GPR179: variants seen among roughly 807,000 people sequenced by gnomAD.
GPR179 encodes probable G protein-coupled receptor 179.
In GPR179, 52 loss-of-function variants were observed where a neutral mutation model predicts 70.8. The ratio of observed to expected loss-of-function variants is 0.73; its 90% CI spans 0.59 to 0.93. GPR179 has a LOEUF of 0.93. Among genes scored for constraint, GPR179 ranks in the 40% least tolerant of loss-of-function variants. The probability of loss-of-function intolerance (pLI) is 0.00; values close to 1 mark genes in which losing one functional copy is unlikely to be tolerated. For missense variants in GPR179, 2,734 were observed against 2,966.8 expected, an observed-to-expected ratio of 0.92 and a Z score of 1.82; for synonymous variants, 1,123 against 1,169.0, an observed-to-expected ratio of 0.96 and a Z score of 0.80.
At position 38,327,544 on chromosome 17, in the gene GPR179, T is replaced by A. The variant is rs779638060; in HGVS notation, c.6025A>T (p.Lys2009Ter). 5.6e-6 allele frequency: 9 copies of A among 1,614,076 alleles called. No individual in the cohort carries two copies. The highest frequency in any genetic ancestry group is 7.6e-6 in the Non-Finnish European group (9 of 1,180,008). The change falls in exon 11 of 11, where the codon AAA (lysine) becomes TAA (stop). Residue 2009 changes from lysine (K) to a stop codon, truncating the protein, a stop_gained. Transcript: ENST00000616987. LOFTEE classifies it low-confidence loss of function (END_TRUNC). Reference protein sequence around the residue: ...PWDVPDAGVYKSDSSAKAETC... With the variant: ...PWDVPDAGVY Reference sequence around the variant, plus strand: ...TCAGCCTTGGCACTGCTGTCAGATTTATACACACCTGCATCAGGAACATCC... The same window carrying A: ...TCAGCCTTGGCACTGCTGTCAGATTAATACACACCTGCATCAGGAACATCC...
At chr17:38,333,190 C>A in intron 10 of GPR179, 61 bp downstream of exon 10, 3 of 1,519,376 alleles carry the variant, frequency 2.0e-6, no homozygotes, top group South Asian at 2.4e-5. Flanking sequence ...AGGGCCCAGT[C>A]CTCCCTCTGC....
rs200725213 is a variant in GPR179 at position 38,343,554 on chromosome 17, C to A, written c.236G>T (p.Arg79Leu). Residue 79 changes from arginine (R) to leucine (L), a missense_variant, in exon 1 of 11, where the codon CGC becomes CTC. Coordinates refer to ENST00000616987, the MANE Select transcript of GPR179 (RefSeq NM_001004334.4). The surrounding 1 kb of genome is among the most constrained non-coding windows in gnomAD (Gnocchi z 4.2). ...GGCTCCTGCCCCACGCGCTTCATAG[C>A]GCTCACTGCAATTCACCTGTGATAG... ...QQLSQVNCSE[R>L]YEARGAGAMP... The A allele has an allele frequency of 9.9e-6, 16 of 1,613,676 alleles. No homozygotes were observed. The highest frequency in any genetic ancestry group is 1.4e-5 in the Non-Finnish European group (16 of 1,180,026).
At position 38,338,545 on chromosome 17, in the gene GPR179, A is replaced by G. The variant is rs527565318; in HGVS notation, c.904-825T>C. On this transcript the variant is annotated intron_variant, in intron 2 of 10. Transcript: ENST00000616987. ...ACTACACAGTCTGCACAATTAGACA[A>G]ACATGCACCCAGAGAAGTGAATGTG... Among the ~76,000 whole-genome samples, 7 of 152,342 alleles carry G rather than the reference A, an allele frequency of 4.6e-5. 1 individual carries two copies. The South Asian group carries it at 1.4e-3, about 32-fold the overall frequency.
Position 38,326,571 on chromosome 17 carries a change from G to C in GPR179, c.6998C>G (p.Ala2333Gly), listed in dbSNP as rs768798444. The change falls in exon 11 of 11, where the codon GCT (alanine) becomes GGT (glycine). Residue 2333 changes from alanine to glycine, a missense_variant. Coordinates refer to ENST00000616987, the MANE Select transcript of GPR179 (RefSeq NM_001004334.4). The stretch of plus-strand genomic sequence containing the variant: ...AGTTAAGGACGAAGACTGAGACTCA[G>C]CTTCCTGGAGACTTGGCTCTGGGGC... ...SLAPEPSLQEAESQSSSLTED... is the reference protein window; with the variant it reads ...SLAPEPSLQEGESQSSSLTED... The C allele has an allele frequency of 5.4e-5, 87 of 1,614,220 alleles. No homozygotes were observed. The highest frequency in any genetic ancestry group is 3.3e-4 in the Middle Eastern group (2 of 6,060).
Position 38,328,040 on chromosome 17 carries a change from CCTCTG to C in GPR179, c.5524_5528del (p.Gln1842GlyfsTer57). 1.2e-6 allele frequency: 2 copies of C among 1,614,142 alleles called. No homozygotes were observed. The highest frequency in any genetic ancestry group is 1.7e-6 in the Non-Finnish European group (2 of 1,180,038). On this transcript the variant is annotated frameshift_variant, in exon 11 of 11. Transcript: ENST00000616987. LOFTEE classifies it low-confidence loss of function (END_TRUNC). ...GTCTCCCCTTTTCTAGAGCTTTCTC[CCTCTG>C]CTCTGCTGATTCACTCCCTGCCTTT... is the stretch of plus-strand genomic sequence containing the variant.
chr17:38,331,616 C>G (rs2037361361), intron 10 of GPR179, 85 bp from the exon 11 acceptor site: 1 of 1,510,932 alleles, frequency 6.6e-7, no homozygotes, highest in Admixed American at 2.3e-5. Flanking sequence ...TTGCCTAGAC[C>G]TTTTTCCCTT....
Position 38,334,917 on chromosome 17 carries a change from T to TC in GPR179, c.1646-76_1646-75insG. 6.2e-7 allele frequency: 1 copy of TC among 1,600,146 alleles called. No individual in the cohort carries two copies. Among genetic ancestry groups the TC allele is most frequent in the Non-Finnish European group, 8.5e-7 (1 of 1,170,918 alleles). The stretch of plus-strand genomic sequence containing the variant: ...CCACCCCTTTCTCTGAAAGATGTGC[T>TC]GGGGGGAGCCTGGGCTCGGGGTCTG... On this transcript the variant is annotated intron_variant, in intron 7 of 10. Coordinates refer to ENST00000616987, the MANE Select transcript of GPR179 (RefSeq NM_001004334.4). This position sits in a 1 kb window ranked among gnomAD's most constrained non-coding sequence, Gnocchi z 4.7.
intron 10 of GPR179, 144 bp from the exon 11 acceptor site, chr17:38,331,675 T>C: frequency 7.1e-7 from 1 of 1,418,300 alleles, no homozygotes; most frequent in African/African-American, 1.4e-5. Flanking sequence ...TCTAAAACTC[T>C]CGTAATTCAC....
chr17:38,336,232 CCT>C, intron 4 of GPR179, 88 bp from the exon 5 acceptor site: 3 of 906,726 alleles, frequency 3.3e-6, no homozygotes, highest in Non-Finnish European at 5.6e-6. Context: ...ACTCAGTGAC[CCT>C]GAGCTAAGGC....
intron 10 of GPR179, 92 bp downstream of exon 10, chr17:38,333,159 G>A (rs1484365703): frequency 8.6e-7 from 1 of 1,164,746 alleles, no homozygotes; most frequent in Non-Finnish European, 1.3e-6. Context: ...AGGACTTGCA[G>A]TGGCACATAG....
In GPR179 at chr17:38,330,131, G is replaced by A; in HGVS notation, c.3438C>T (p.Pro1146=). Reference sequence around the variant, plus strand: ...TCTGGAGGGACTCCTTGTCATCGGAGGGGATAAGAGCGGCCTGCTTACTCA... The same window carrying A: ...TCTGGAGGGACTCCTTGTCATCGGAAGGGATAAGAGCGGCCTGCTTACTCA... ...KAVSKQAALI[P]SDDKESLQNQ... is the part of the protein sequence containing the mutation. Residue 1146 remains proline (P), a synonymous_variant, in exon 11 of 11, where the codon CCC becomes CCT. Transcript: ENST00000616987. 1.2e-6 allele frequency: 2 copies of A among 1,603,192 alleles called. No individual in the cohort carries two copies. The highest frequency in any genetic ancestry group is 1.7e-6 in the Non-Finnish European group (2 of 1,173,928).
chr17:38,342,879 T>C lies in GPR179; in HGVS notation c.794+117A>G, dbSNP rs75905672. On this transcript the variant is annotated intron_variant, in intron 1 of 10. Transcript: ENST00000616987. ...AGCTGAGTACAAATACCCACATCTGTGTGCCCCCCAGGCATGCACATGTTC... is the reference window on the plus strand; with the variant it reads ...AGCTGAGTACAAATACCCACATCTGCGTGCCCCCCAGGCATGCACATGTTC... 9.5e-3 allele frequency: 9,166 copies of C among 968,858 alleles called. 75 individuals are homozygous for C. The highest frequency in any genetic ancestry group is 0.012 in the Middle Eastern group (36 of 2,932). The allele number at this position is 968,858 out of a possible 1,614,324, so 60.0% of individuals were successfully genotyped here. A position where few individuals can be genotyped will look rare whatever the true frequency, so the allele number is the denominator to read the frequency against.
At position 38,330,060 on chromosome 17, in the gene GPR179, C is replaced by T. The variant is rs531239274; in HGVS notation, c.3509G>A (p.Arg1170Gln). 2.9e-5 allele frequency: 47 copies of T among 1,614,178 alleles called. No homozygotes were observed. The East Asian group carries it at 7.6e-4, about 26-fold the overall frequency. Residue 1170 changes from arginine (R) to glutamine (Q), a missense_variant, in exon 11 of 11, where the codon CGG (arginine) becomes CAG (glutamine). Physicochemically the swap from Arg to Gln is conservative, Grantham distance 43. Coordinates refer to ENST00000616987, the MANE Select transcript of GPR179 (RefSeq NM_001004334.4). ...HTSRMLQVCQ[R>Q]EGSREQEDRG... is the part of the protein sequence containing the mutation. ...GTCTTCTTGTTCCCTGCTGCCCTCC[C>T]GTTGACAGACTTGGAGCATCCTGCT...
intron 9 of GPR179, 95 bp downstream of exon 9, chr17:38,333,838 C>T (rs1712913608): frequency 1.1e-6 from 1 of 913,306 alleles, no homozygotes; most frequent in Non-Finnish European, 1.7e-6. Flanking sequence ...TCGTCCTCAC[C>T]CTGGCCTGCA....
chr17:38,331,337 G>C lies in GPR179; in HGVS notation c.2232C>G (p.Gly744=). Residue 744 remains glycine, a synonymous_variant, in exon 11 of 11, where the codon GGC becomes GGG. Coordinates refer to ENST00000616987, the MANE Select transcript of GPR179 (RefSeq NM_001004334.4). ...GGCGGCGGGAGGAGCCGGGCAGGCTGCCGTGGCCTGGGGATCCTGAGTCCC... is the reference window on the plus strand; with the variant it reads ...GGCGGCGGGAGGAGCCGGGCAGGCTCCCGTGGCCTGGGGATCCTGAGTCCC... The part of the protein sequence containing the change: ...HSRDSGSPGH[G]SLPGSSRRRL... The C allele has an allele frequency of 6.2e-7, 1 of 1,610,730 alleles. No individual in the cohort carries two copies. The highest frequency in any genetic ancestry group is 8.5e-7 in the Non-Finnish European group (1 of 1,178,952).
In GPR179 at chr17:38,334,673, AG is replaced by A; in HGVS notation, c.1784+30del. ...AGGTGAGGAGTACTGTTAGAGTGGA[AG>A]GGGGTGTGGGGAGGTGAGTCCGTCC... On this transcript the variant is annotated intron_variant, in intron 8 of 10. Coordinates refer to ENST00000616987, the MANE Select transcript of GPR179 (RefSeq NM_001004334.4). The surrounding 1 kb of genome is among the most constrained non-coding windows in gnomAD (Gnocchi z 4.7). 1 of 1,599,076 alleles carries A rather than the reference AG, an allele frequency of 6.3e-7. No homozygotes were observed. The highest frequency in any genetic ancestry group is 8.5e-7 in the Non-Finnish European group (1 of 1,173,110).
chr17:38,339,673 G>T, intron 1 of GPR179, 148 bp from the exon 2 acceptor site: 1 of 609,662 alleles, frequency 1.6e-6, no homozygotes, highest in Non-Finnish European at 2.9e-6. Context: ...GATTAGAAGG[G>T]TTCAGAAGTA....
chr17:38,325,356 CAGA>C lies in GPR179; in HGVS notation c.*1106_*1108del, dbSNP rs970129688. ...CCTGTAGCACTCCTCTTTTAGAGGG[CAGA>C]AGAAGTAGAGTGCTGGCTGTGTACA... On this transcript the variant is annotated 3_prime_UTR_variant, in exon 11 of 11. Transcript: ENST00000616987. 3.3e-5 allele frequency among the ~76,000 whole-genome samples: 5 copies of C among 151,632 alleles called. No homozygotes were observed. The highest frequency in any genetic ancestry group is 1.9e-4 in the East Asian group (1 of 5,156).
chr17:38,330,835 C>T lies in GPR179; in HGVS notation c.2734G>A (p.Asp912Asn), dbSNP rs747902639. 83 of 1,604,534 alleles carry T rather than the reference C, an allele frequency of 5.2e-5. No homozygotes were observed. The highest frequency in any genetic ancestry group is 4.8e-5 in the Non-Finnish European group (57 of 1,175,812). Residue 912 changes from aspartate to asparagine, a missense_variant, in exon 11 of 11, where the codon GAC becomes AAC. Asp to Asn is a conservative substitution (Grantham distance 23, BLOSUM62 1). Transcript: ENST00000616987. ...PPSPAKSSSV[D>N]SSHTSGRLHE... ...AGCCTCCCAGAGGTGTGAGAGCTGT[C>T]CACGCTGCTGCTCTTGGCAGGGGAA...
Sources: allele counts gnomAD v4.1 joint callset (sites outside exome capture counted in the v4.1 genomes callset), GRCh38; gene constraint gnomAD v4.1.1; non-coding constraint Gnocchi (gnomAD v3.1); transcripts MANE v1.5; gene names NCBI Gene and HGNC (gene_info 2026-07-23, HGNC 2026-07-21).